The following OR9Q1 variants were observed in gnomAD, a reference collection of about 807,000 sequenced individuals.
The protein encoded by OR9Q1 is olfactory receptor family 9 subfamily Q member 1.
For missense variants in OR9Q1, 374 were observed against 378.8 expected (o/e 0.99, Z 0.11); for synonymous variants, 153 against 148.6 (o/e 1.03, Z -0.22).
chr11:58,080,834 T>A (rs1158217758), intron 2 of OR9Q1, among the ~76,000 whole-genome samples: 1 of 152,194 alleles, frequency 6.6e-6, no homozygotes, highest in Non-Finnish European at 1.5e-5. Flanking sequence ...TTTTTAAAAA[T>A]TATACTTTAA....
chr11:58,159,139 G>GA (rs201642260), intron 2 of OR9Q1, among the ~76,000 whole-genome samples: 3 of 151,116 alleles, frequency 2.0e-5, no homozygotes, highest in East Asian at 1.9e-4. Flanking sequence ...AAGACCTTCA[G>GA]AAAAAAAAAT....
intron 2 of OR9Q1, among the ~76,000 whole-genome samples, chr11:58,156,518 A>C (rs1431330706): frequency 1.3e-5 from 2 of 152,246 alleles, no homozygotes; most frequent in African/African-American, 4.8e-5. Context: ...TCTAATTCAG[A>C]ATGGTTTTCT....
chr11:58,089,589 G>A (rs1853665358), intron 2 of OR9Q1, among the ~76,000 whole-genome samples: 1 of 151,880 alleles, frequency 6.6e-6, no homozygotes, highest in Admixed American at 6.6e-5. Flanking sequence ...GCAGCATGAT[G>A]CCTCCAGATT....
intron 2 of OR9Q1, among the ~76,000 whole-genome samples, chr11:58,143,718 G>C (rs188874724): frequency 2.0e-5 from 3 of 152,204 alleles, no homozygotes; most frequent in East Asian, 1.9e-4. Flanking sequence ...CTGTAGGCGG[G>C]GGGGTGGCAT....
intron 2 of OR9Q1, among the ~76,000 whole-genome samples, chr11:58,064,643 G>T (rs960963275): frequency 6.6e-6 from 1 of 152,130 alleles, no homozygotes; most frequent in Non-Finnish European, 1.5e-5. Context: ...TCATAAATCT[G>T]CAGTCCCACA....
At chr11:58,138,861 G>T (rs1425531362) in intron 2 of OR9Q1, among the ~76,000 whole-genome samples, 1 of 152,138 alleles carries the variant, frequency 6.6e-6, no homozygotes, top group Non-Finnish European at 1.5e-5. Context: ...TAGATTTCAA[G>T]AACTTATTCC....
chr11:58,163,236 A>G (rs905644732), intron 2 of OR9Q1, among the ~76,000 whole-genome samples: 3 of 152,234 alleles, frequency 2.0e-5, no homozygotes, highest in African/African-American at 7.2e-5. Context: ...TTGATTACAT[A>G]TATGGCTTAC....
At position 58,180,603 on chromosome 11, in the gene OR9Q1, G is replaced by C; in HGVS notation, c.*226G>C. The C allele has an allele frequency of 7.6e-6, 3 of 396,674 alleles. No homozygotes were observed. The allele number at this position is 396,674 out of a possible 1,614,324, so 24.6% of individuals were successfully genotyped here. A position where few individuals can be genotyped will look rare whatever the true frequency, so the allele number is the denominator to read the frequency against. On this transcript the variant is annotated 3_prime_UTR_variant, in exon 3 of 3. Transcript: ENST00000335397. ...TGATTCCCAGGACAAGTGACAAAAG[G>C]ATTTGAAATTAAAGCCTGTGCAATC... is the stretch of plus-strand genomic sequence containing the variant.
intron 1 of OR9Q1, among the ~76,000 whole-genome samples, chr11:58,048,497 A>G (rs1316102620): frequency 6.9e-4 from 5 of 7,272 alleles, no homozygotes; most frequent in Admixed American, 2.3e-3. Flanking sequence ...CTAAAAATAC[A>G]AAAAAAAAAA....
rs1311210953 is a variant in OR9Q1, at chr11:58,037,681, ATATATAT to A, written c.-93+13578_-93+13584del. ...TATATATATATATATATATATATAT[ATATATAT>A]ATTTTTTTTTTTTTTTTTTTTTTTT... On this transcript the variant is annotated intron_variant, in intron 1 of 2. Transcript: ENST00000335397. Among the ~76,000 whole-genome samples the A allele has an allele frequency of 7.5e-4, 9 of 12,040 alleles. 1 individual carries two copies. Among genetic ancestry groups the A allele is most frequent in the South Asian group, 4.8e-3 (1 of 208 alleles). The allele number at this position is 12,040 out of a possible 152,430, so 7.9% of individuals were successfully genotyped here. A position where few individuals can be genotyped will look rare whatever the true frequency, so the allele number is the denominator to read the frequency against.
At chr11:58,105,275 A>G (rs1853829201) in intron 2 of OR9Q1, among the ~76,000 whole-genome samples, 1 of 152,150 alleles carries the variant, frequency 6.6e-6, no homozygotes, top group Admixed American at 6.6e-5. Context: ...ATGACATGCA[A>G]ATGAAATGAC....
At chr11:58,035,276 C>T (rs368064825) in intron 1 of OR9Q1, among the ~76,000 whole-genome samples, 1 of 148,748 alleles carries the variant, frequency 6.7e-6, no homozygotes, top group Admixed American at 6.7e-5. Flanking sequence ...AGAAAAAAAA[C>T]AAATTGTGGT....
chr11:58,107,472 T>C (rs1197654965), intron 2 of OR9Q1, among the ~76,000 whole-genome samples: 2 of 152,320 alleles, frequency 1.3e-5, no homozygotes, highest in East Asian at 1.9e-4. Flanking sequence ...TAGTATTCCA[T>C]GGTGTATATG....
chr11:58,181,446 C>T lies in OR9Q1; in HGVS notation c.*1069C>T, dbSNP rs923554764. On this transcript the variant is annotated 3_prime_UTR_variant, in exon 3 of 3. Transcript: ENST00000335397. The stretch of plus-strand genomic sequence containing the variant: ...TCTTTACTTCTCTAATCACAGGGGA[C>T]TTGTCTCAATCAAACCCAAGGCACT... 1 of 166,728 alleles carries T rather than the reference C, an allele frequency of 6.0e-6. No homozygotes were observed. The highest frequency in any genetic ancestry group is 6.6e-5 in the Admixed American group (1 of 15,236). The allele number at this position is 166,728 out of a possible 1,614,324, so 10.3% of individuals were successfully genotyped here. A position where few individuals can be genotyped will look rare whatever the true frequency, so the allele number is the denominator to read the frequency against.
intron 2 of OR9Q1, among the ~76,000 whole-genome samples, chr11:58,075,897 T>C (rs544762275): frequency 5.3e-5 from 8 of 152,328 alleles, no homozygotes; most frequent in African/African-American, 1.9e-4. Context: ...ACTTACTATG[T>C]GCCAACCTCT....
chr11:58,158,518 C>G (rs923135775), intron 2 of OR9Q1, among the ~76,000 whole-genome samples: 3 of 150,974 alleles, frequency 2.0e-5, no homozygotes, highest in African/African-American at 7.3e-5. Context: ...AGCAAGAGTC[C>G]AGGTCCTTGC....
chr11:58,091,566 A>G (rs1211295765), intron 2 of OR9Q1, among the ~76,000 whole-genome samples: 1 of 152,134 alleles, frequency 6.6e-6, no homozygotes, highest in Non-Finnish European at 1.5e-5. Context: ...ACTTCTAATT[A>G]TGTGGTCAAT....
At chr11:58,127,818 A>G (rs904501276) in intron 2 of OR9Q1, among the ~76,000 whole-genome samples, 1 of 152,200 alleles carries the variant, frequency 6.6e-6, no homozygotes, top group African/African-American at 2.4e-5. Context: ...AGAGGAAGAA[A>G]GGAAGACTGA....
rs144809615 is a variant in OR9Q1 at position 58,089,026 on chromosome 11, G to A, written c.-15+33079G>A. Among the ~76,000 whole-genome samples the A allele has an allele frequency of 1.2e-4, 18 of 151,588 alleles. No homozygotes were observed. In the East Asian group the frequency reaches 1.7e-3, roughly 15 times the overall value. On this transcript the variant is annotated intron_variant, in intron 2 of 2. Coordinates refer to ENST00000335397, the MANE Select transcript of OR9Q1 (RefSeq NM_001005212.4). ...TGAGTAGCTGGGATTACAGGTGCCCGTCACCAGGCCCAGCTAATTTTTTTT... is the reference window on the plus strand; with the variant it reads ...TGAGTAGCTGGGATTACAGGTGCCCATCACCAGGCCCAGCTAATTTTTTTT...
Sources: gnomAD v4.1 joint callset for allele counts (sites outside exome capture counted in the v4.1 genomes callset) on GRCh38, gnomAD v4.1.1 for gene constraint, MANE v1.5 for transcripts, NCBI Gene and HGNC (gene_info 2026-07-23, HGNC 2026-07-21) for gene names.